ME1: variants seen among roughly 807,000 people sequenced by gnomAD.
ME1 encodes the protein malic enzyme 1.
In ME1, 74 loss-of-function variants were observed where a neutral mutation model predicts 66.4. That is an observed-to-expected ratio of 1.11 (90% confidence interval 0.92 to 1.35). The LOEUF is 1.35. Among genes scored for constraint, ME1 ranks in the 40% most tolerant of loss-of-function variants. The probability of loss-of-function intolerance (pLI) is 0.00; values close to 1 mark genes in which losing one functional copy is unlikely to be tolerated. For synonymous variants in ME1, 251 were observed against 235.6 expected, an observed-to-expected ratio of 1.07 and a Z score of -0.60; for missense variants, 750 against 694.1, an observed-to-expected ratio of 1.08 and a Z score of -0.90.
chr6:83,252,255 CTG>C (rs1790737345), intron 7 of ME1, among the ~76,000 whole-genome samples: 1 of 151,506 alleles, frequency 6.6e-6, no homozygotes, highest in Non-Finnish European at 1.5e-5. Flanking sequence ...AGCAGGAGTT[CTG>C]TTGTTGTTGT....
At chr6:83,245,567 G>A (rs189788938) in intron 7 of ME1, among the ~76,000 whole-genome samples, 7 of 152,094 alleles carry the variant, frequency 4.6e-5, no homozygotes, top group East Asian at 1.9e-4. Flanking sequence ...CATCATGCCC[G>A]GCTAATTTTT....
intron 6 of ME1, among the ~76,000 whole-genome samples, chr6:83,293,404 C>A (rs1295213014): frequency 6.6e-6 from 1 of 152,132 alleles, no homozygotes; most frequent in Non-Finnish European, 1.5e-5. Context: ...CATACTAATT[C>A]TCCCTCCTCT....
At chr6:83,230,128 G>GTTTTTTT (rs201960546) in intron 9 of ME1, among the ~76,000 whole-genome samples, 7 of 150,010 alleles carry the variant, frequency 4.7e-5, no homozygotes, top group South Asian at 2.1e-4. Flanking sequence ...GCCAGGCTCT[G>GTTTTTTT]TTTTTTTTTG....
intron 9 of ME1, among the ~76,000 whole-genome samples, chr6:83,237,111 A>C (rs1485437585): frequency 6.6e-6 from 1 of 150,814 alleles, no homozygotes; most frequent in African/African-American, 2.4e-5. Flanking sequence ...GATAGGGATC[A>C]CTTGAAAACA....
intron 1 of ME1, among the ~76,000 whole-genome samples, chr6:83,418,288 C>T (rs1221488215): frequency 1.3e-5 from 2 of 152,160 alleles, no homozygotes; most frequent in Admixed American, 6.5e-5. Context: ...AGACCTGCTG[C>T]CAGCAAGCTA....
intron 1 of ME1, among the ~76,000 whole-genome samples, chr6:83,422,144 C>T (rs138164518): frequency 3.3e-5 from 5 of 152,274 alleles, no homozygotes; most frequent in South Asian, 4.2e-4. Context: ...TTGAGCTAAA[C>T]GTGCATAGAT....
At chr6:83,397,569 T>G (rs1029887098) in intron 3 of ME1, among the ~76,000 whole-genome samples, 2 of 152,144 alleles carry the variant, frequency 1.3e-5, no homozygotes, top group African/African-American at 4.8e-5. Context: ...GTATGGAAGC[T>G]TCTCAAAAAA....
At chr6:83,324,671 A>G (rs1583381462) in intron 5 of ME1, among the ~76,000 whole-genome samples, 1 of 150,310 alleles carries the variant, frequency 6.7e-6, no homozygotes, top group East Asian at 2.0e-4. Context: ...CGAATAGACC[A>G]ATAACAAGTT....
At chr6:83,315,233 G>A (rs1768007523) in intron 6 of ME1, 77 bp downstream of exon 6, 3 of 817,754 alleles carry the variant, frequency 3.7e-6, no homozygotes, top group Admixed American at 4.4e-5. Flanking sequence ...AAACCATATT[G>A]CATAAATCTT....
chr6:83,275,179 C>G (rs1467843608), intron 6 of ME1, among the ~76,000 whole-genome samples: 1 of 151,654 alleles, frequency 6.6e-6, no homozygotes, highest in Non-Finnish European at 1.5e-5. Flanking sequence ...ACTAAAAATA[C>G]AAAAATTAGC....
chr6:83,215,532 T>C (rs1789973350), intron 13 of ME1, among the ~76,000 whole-genome samples: 2 of 152,224 alleles, frequency 1.3e-5, no homozygotes, highest in South Asian at 4.1e-4. Context: ...TACCTCAGAA[T>C]GTGAGTGTAT....
rs35205380 is a variant in ME1, at chr6:83,300,610, CTT to C, written c.704+14698_704+14699del. Among the ~76,000 whole-genome samples, 18 of 84,964 alleles carry C rather than the reference CTT, an allele frequency of 2.1e-4. No homozygotes were observed. The East Asian group carries it at 4.9e-3, about 23-fold the overall frequency. The allele number at this position is 84,964 out of a possible 152,430, so 55.7% of individuals were successfully genotyped here. A position where few individuals can be genotyped will look rare whatever the true frequency, so the allele number is the denominator to read the frequency against. ...TTCTTTTATTTTCCTTTCTTTCTTTCTTTTTTTTTTTTTTTTTTTTTTTGAGA... is the reference window on the plus strand; with the variant it reads ...TTCTTTTATTTTCCTTTCTTTCTTTCTTTTTTTTTTTTTTTTTTTTTGAGA... On this transcript the variant is annotated intron_variant, in intron 6 of 13. Transcript: ENST00000369705.
chr6:83,294,882 C>T (rs1259119047), intron 6 of ME1, among the ~76,000 whole-genome samples: 1 of 152,154 alleles, frequency 6.6e-6, no homozygotes, highest in Admixed American at 6.5e-5. Flanking sequence ...AAGTGAGAGA[C>T]CCTCAGCCAC....
At chr6:83,287,072 T>G (rs1167269006) in intron 6 of ME1, among the ~76,000 whole-genome samples, 1 of 152,188 alleles carries the variant, frequency 6.6e-6, no homozygotes, top group Non-Finnish European at 1.5e-5. Flanking sequence ...CTTTAAAAAC[T>G]GTTTTTATGA....
intron 4 of ME1, among the ~76,000 whole-genome samples, chr6:83,347,712 T>C (rs2128544010): frequency 6.6e-6 from 1 of 152,304 alleles, no homozygotes; most frequent in South Asian, 2.1e-4. Context: ...CCACAGTACC[T>C]GGTACATTAC....
At chr6:83,280,473 A>G (rs571354323) in intron 6 of ME1, among the ~76,000 whole-genome samples, 4 of 152,328 alleles carry the variant, frequency 2.6e-5, no homozygotes, top group Non-Finnish European at 5.9e-5. Context: ...AACATTTTTT[A>G]AAAACAAGTA....
At chr6:83,242,510 G>A (rs1173030299) in intron 7 of ME1, among the ~76,000 whole-genome samples, 1 of 152,042 alleles carries the variant, frequency 6.6e-6, no homozygotes, top group Non-Finnish European at 1.5e-5. Context: ...CATTTAGAGT[G>A]CATACTCCCT....
At chr6:83,395,830 G>T (rs1403668343) in intron 3 of ME1, among the ~76,000 whole-genome samples, 9 of 149,626 alleles carry the variant, frequency 6.0e-5, no homozygotes, top group African/African-American at 2.2e-4. Context: ...AAACAATTAG[G>T]CAAGCAAAAG....
rs1790133718 is a variant in ME1, at chr6:83,223,687, AAAC to A, written c.1449+70_1449+72del. ...AGTAAGCTGAGATGCTAGATAAATA[AAAC>A]ATTAGACAACCTAGGCTGAGCACAC... On this transcript the variant is annotated intron_variant, in intron 12 of 13. Transcript: ENST00000369705. 2.8e-6 allele frequency: 4 copies of A among 1,403,562 alleles called. No homozygotes were observed. The East Asian group carries it at 9.4e-5, about 33-fold the overall frequency. 86.9% of individuals were successfully genotyped at this position (1,403,562 alleles called of 1,614,324 possible).
Sources: allele counts gnomAD v4.1 joint callset (sites outside exome capture counted in the v4.1 genomes callset), GRCh38; gene constraint gnomAD v4.1.1; transcripts MANE v1.5; gene names NCBI Gene and HGNC (gene_info 2026-07-23, HGNC 2026-07-21).